SGIP1: variants seen among roughly 807,000 people sequenced by gnomAD.
The protein encoded by SGIP1 is SH3GL interacting endocytic adaptor 1.
A neutral mutation model predicts 107.5 loss-of-function variants in SGIP1; 38 were observed. The observed-to-expected ratio is 0.35, with a 90% CI of 0.27 to 0.46. The LOEUF (loss-of-function observed/expected upper bound fraction) is 0.46, where lower values mean the gene tolerates loss of function less well. Among genes scored for constraint, SGIP1 ranks in the 20% least tolerant of loss-of-function variants. The pLI is 1.00. For synonymous variants in SGIP1, 365 were observed against 366.1 expected (o/e 1.00, Z 0.03); for missense variants, 929 against 1,019.5 (o/e 0.91, Z 1.21).
At chr1:66,712,779 C>T (rs2150360187) in intron 18 of SGIP1, among the ~76,000 whole-genome samples, 2 of 152,232 alleles carry the variant, frequency 1.3e-5, no homozygotes, top group South Asian at 4.1e-4. Flanking sequence ...TAGTCTCAGG[C>T]TGTCTACATG....
intron 24 of SGIP1, among the ~76,000 whole-genome samples, chr1:66,742,371 T>A (rs970331015): frequency 1.3e-5 from 2 of 151,900 alleles, no homozygotes; most frequent in African/African-American, 2.4e-5. Context: ...GGTTTTTTTA[T>A]GTCTATTGTA....
intron 18 of SGIP1, among the ~76,000 whole-genome samples, chr1:66,713,108 C>T (rs2093021811): frequency 6.6e-6 from 1 of 152,138 alleles, no homozygotes; most frequent in Admixed American, 6.6e-5. Context: ...GCTTGGTTTG[C>T]ATCACAGTTC....
chr1:66,707,792 C>CA (rs1224585179), intron 18 of SGIP1, among the ~76,000 whole-genome samples: 1 of 152,038 alleles, frequency 6.6e-6, no homozygotes, highest in Non-Finnish European at 1.5e-5. Flanking sequence ...GCTTCTCAAA[C>CA]TTTTTTTTCA....
At chr1:66,727,043 C>T (rs899238919) in intron 19 of SGIP1, among the ~76,000 whole-genome samples, 3 of 151,850 alleles carry the variant, frequency 2.0e-5, no homozygotes, top group African/African-American at 4.8e-5. Context: ...AATAAGACAC[C>T]GAAAGAATGA....
At chr1:66,663,116 G>A (rs369701235) in intron 8 of SGIP1, among the ~76,000 whole-genome samples, 1 of 152,014 alleles carries the variant, frequency 6.6e-6, no homozygotes, top group Admixed American at 6.6e-5. Flanking sequence ...GACCTGGCAG[G>A]ACTAAGCCCA....
chr1:66,552,334 A>G (rs1438206237), intron 1 of SGIP1, among the ~76,000 whole-genome samples: 1 of 152,096 alleles, frequency 6.6e-6, no homozygotes, highest in African/African-American at 2.4e-5. Flanking sequence ...TTAACAACAC[A>G]ATTTCTGGGG....
chr1:66,724,022 A>G (rs1321185530), intron 19 of SGIP1, among the ~76,000 whole-genome samples: 1 of 152,208 alleles, frequency 6.6e-6, no homozygotes, highest in Non-Finnish European at 1.5e-5. Context: ...TAAGCCAAAG[A>G]AAGGGAATTG....
intron 2 of SGIP1, among the ~76,000 whole-genome samples, chr1:66,631,210 C>A (rs2074608540): frequency 6.6e-6 from 1 of 152,060 alleles, no homozygotes; most frequent in South Asian, 2.1e-4. Context: ...CTTACTATGA[C>A]CATGATAACC....
chr1:66,747,617 G>T lies in SGIP1; in HGVS notation c.*4522G>T, dbSNP rs1405719848. 4 of 151,998 alleles carry T rather than the reference G, an allele frequency of 2.6e-5. No individual in the cohort carries two copies. Among genetic ancestry groups the T allele is most frequent in the African/African-American group, 9.7e-5 (4 of 41,428 alleles). The allele number at this position is 151,998 out of a possible 1,614,324, so 9.4% of individuals were successfully genotyped here. A position where few individuals can be genotyped will look rare whatever the true frequency, so the allele number is the denominator to read the frequency against. On this transcript the variant is annotated 3_prime_UTR_variant, in exon 25 of 25. Transcript: ENST00000371037. ...GGACATTCAGATCTCTAACTTGTGA[G>T]TTGAACCTATTTATTTTGTAAGCTT...
At chr1:66,651,125 CTTAG>C (rs768860285) in intron 7 of SGIP1, among the ~76,000 whole-genome samples, 3 of 152,158 alleles carry the variant, frequency 2.0e-5, no homozygotes, top group Non-Finnish European at 4.4e-5. Context: ...AAAAGAGGTG[CTTAG>C]TAAATGATAG....
chr1:66,589,216 A>ATATGTGTGTG (rs1553238978), intron 1 of SGIP1, among the ~76,000 whole-genome samples: 28 of 96,400 alleles, frequency 2.9e-4, no homozygotes, highest in African/African-American at 1.1e-3. Flanking sequence ...ATATATATAT[A>ATATGTGTGTG]TGTAAGGCTT....
At chr1:66,556,925 T>C (rs2058264509) in intron 1 of SGIP1, among the ~76,000 whole-genome samples, 1 of 152,186 alleles carries the variant, frequency 6.6e-6, no homozygotes, top group East Asian at 1.9e-4. Flanking sequence ...GGTTGAATTA[T>C]GTTTTCTGAA....
At chr1:66,733,535 A>T (rs959168398) in intron 20 of SGIP1, among the ~76,000 whole-genome samples, 3 of 152,176 alleles carry the variant, frequency 2.0e-5, no homozygotes, top group Non-Finnish European at 4.4e-5. Flanking sequence ...GCAACACAGT[A>T]GCTCCTCCTC....
At chr1:66,631,036 GAAGAAAGGAAGAAAGAAAGAAAGA>G (rs1394143935) in intron 2 of SGIP1, among the ~76,000 whole-genome samples, 10 of 94,398 alleles carry the variant, frequency 1.1e-4, no homozygotes, top group African/African-American at 4.2e-4. Context: ...AGGAAGGAAG[GAAGAAAGGAAGAAAGAAAGAAAGA>G]AAGAAAGAAA....
intron 7 of SGIP1, among the ~76,000 whole-genome samples, chr1:66,657,680 T>C (rs750488126): frequency 6.6e-6 from 1 of 152,154 alleles, no homozygotes; most frequent in Admixed American, 6.5e-5. Flanking sequence ...TCAACAAGCT[T>C]TGTCAGTCAG....
chr1:66,698,259 C>T (rs780940900), intron 18 of SGIP1, among the ~76,000 whole-genome samples: 2 of 152,064 alleles, frequency 1.3e-5, no homozygotes, highest in African/African-American at 2.4e-5. Context: ...ATTCTCGAGT[C>T]CCAGTGCTTT....
chr1:66,534,270 G>C lies in SGIP1; in HGVS notation c.-89G>C. On this transcript the variant is annotated 5_prime_UTR_variant, in exon 1 of 25. Coordinates refer to ENST00000371037, the MANE Select transcript of SGIP1 (RefSeq NM_032291.4). ...GCGGACGGAATAGACCTCAGCAGCG[G>C]CGTGGTGAGGACTTAGCTGGGACCT... The C allele has an allele frequency of 1.5e-6, 2 of 1,359,502 alleles. No individual in the cohort carries two copies. The highest frequency in any genetic ancestry group is 2.1e-6 in the Non-Finnish European group (2 of 948,126). The allele number at this position is 1,359,502 out of a possible 1,614,324, so 84.2% of individuals were successfully genotyped here.
intron 1 of SGIP1, among the ~76,000 whole-genome samples, chr1:66,569,365 T>A (rs1417287272): frequency 1.3e-5 from 2 of 151,896 alleles, no homozygotes; most frequent in Non-Finnish European, 2.9e-5. Context: ...AGCTGTAGGT[T>A]TTTTGTAGAT....
At chr1:66,629,524 C>G (rs1406623872) in intron 2 of SGIP1, among the ~76,000 whole-genome samples, 6 of 151,366 alleles carry the variant, frequency 4.0e-5, no homozygotes, top group Admixed American at 3.3e-4. Flanking sequence ...TTTCATCACC[C>G]AAAAGAAAAG....
Sources: allele counts gnomAD v4.1 joint callset (sites outside exome capture counted in the v4.1 genomes callset), GRCh38; gene constraint gnomAD v4.1.1; transcripts MANE v1.5; gene names NCBI Gene and HGNC (gene_info 2026-07-23, HGNC 2026-07-21).